Variants in GABRG3 observed in about 807,000 individuals in gnomAD.
GABRG3 encodes gamma-aminobutyric acid type A receptor subunit gamma3, also known as gamma-aminobutyric acid receptor subunit gamma-3.
Under a neutral mutation model 48.8 loss-of-function variants are expected in GABRG3, and 25 were observed. The ratio of observed to expected loss-of-function variants is 0.51; its 90% CI spans 0.37 to 0.72. The LOEUF (loss-of-function observed/expected upper bound fraction) is 0.72. GABRG3 is among the 30% of genes least tolerant of loss of function. GABRG3 has a pLI of 0.00. For synonymous variants in GABRG3, 227 were observed against 217.6 expected (o/e 1.04, Z -0.38); for missense variants, 394 against 577.9 (o/e 0.68, Z 3.26).
At chr15:27,081,248 T>C (rs72718117) in intron 3 of GABRG3, among the ~76,000 whole-genome samples, 21,968 of 152,154 alleles carry the variant, frequency 0.14, 1,958 homozygotes, top group Middle Eastern at 0.24. Context: ...GCCCAGAGGC[T>C]ACAAGGATGC....
At chr15:26,983,086 T>C (rs1322359925) in intron 2 of GABRG3, among the ~76,000 whole-genome samples, 1 of 151,876 alleles carries the variant, frequency 6.6e-6, no homozygotes, top group Non-Finnish European at 1.5e-5. Context: ...CTTTCATGGC[T>C]CAGAAGGGCT....
chr15:27,499,252 T>G (rs1890561451), intron 6 of GABRG3, among the ~76,000 whole-genome samples: 1 of 152,234 alleles, frequency 6.6e-6, no homozygotes, highest in Non-Finnish European at 1.5e-5. Flanking sequence ...TTCTTTGTTC[T>G]TATTCTAAGC....
chr15:27,245,062 C>T (rs750415971), intron 3 of GABRG3, among the ~76,000 whole-genome samples: 8 of 151,984 alleles, frequency 5.3e-5, no homozygotes, highest in Non-Finnish European at 1.2e-4. Flanking sequence ...GTGCTGGACC[C>T]TCCTCCTTAG....
intron 3 of GABRG3, among the ~76,000 whole-genome samples, chr15:27,155,506 A>G (rs779693564): frequency 1.5e-4 from 23 of 152,092 alleles, no homozygotes; most frequent in Admixed American, 7.2e-4. Flanking sequence ...AAAACTGAAC[A>G]TTTCAGATAT....
intron 2 of GABRG3, among the ~76,000 whole-genome samples, chr15:26,993,701 ATATC>A: frequency 6.6e-6 from 1 of 152,120 alleles, no homozygotes; most frequent in East Asian, 1.9e-4. Flanking sequence ...TGTTCTGTGA[ATATC>A]TATCAGGTCC....
intron 3 of GABRG3, among the ~76,000 whole-genome samples, chr15:27,109,253 T>C (rs575204040): frequency 7.9e-5 from 12 of 152,232 alleles, no homozygotes; most frequent in Admixed American, 7.9e-4. Context: ...TCCCATAGAG[T>C]CCTTCTCCCA....
intron 2 of GABRG3, among the ~76,000 whole-genome samples, chr15:26,980,505 G>A (rs1209336264): frequency 2.6e-5 from 4 of 151,898 alleles, no homozygotes; most frequent in South Asian, 2.1e-4. Context: ...GTGAAATCCC[G>A]TCTCTACTAA....
intron 6 of GABRG3, 105 bp downstream of exon 6, chr15:27,480,892 T>C (rs1890086850): frequency 6.8e-7 from 1 of 1,466,748 alleles, no homozygotes; most frequent in South Asian, 1.4e-5. Flanking sequence ...CCATGATACA[T>C]AAGTGATATT....
intron 5 of GABRG3, among the ~76,000 whole-genome samples, chr15:27,474,044 A>T (rs1889862156): frequency 6.6e-6 from 1 of 151,942 alleles, no homozygotes; most frequent in Non-Finnish European, 1.5e-5. Flanking sequence ...GCAGGCCTGA[A>T]CAGGTCCAGC....
At chr15:27,261,017 G>A (rs1274388568) in intron 3 of GABRG3, among the ~76,000 whole-genome samples, 1 of 151,898 alleles carries the variant, frequency 6.6e-6, no homozygotes, top group African/African-American at 2.4e-5. Flanking sequence ...CTGTTTTGTG[G>A]GTTTAAAAAA....
chr15:27,310,405 G>C (rs28844942), intron 3 of GABRG3, among the ~76,000 whole-genome samples: 1 of 151,906 alleles, frequency 6.6e-6, no homozygotes, highest in Non-Finnish European at 1.5e-5. Flanking sequence ...AAATGTCTAA[G>C]AAAAATCTAG....
At chr15:27,397,475 A>G (rs1160160776) in intron 5 of GABRG3, among the ~76,000 whole-genome samples, 2 of 152,196 alleles carry the variant, frequency 1.3e-5, no homozygotes, top group East Asian at 3.9e-4. Context: ...AATTAACTTT[A>G]CTTTAAACTC....
chr15:27,324,015 C>A (rs11629964), intron 3 of GABRG3, among the ~76,000 whole-genome samples: 20,155 of 152,082 alleles, frequency 0.13, 2,065 homozygotes, highest in African/African-American at 0.29. Context: ...CAGCCCCAAA[C>A]GGGGAACAAC....
chr15:27,251,420 C>G (rs1890452680), intron 3 of GABRG3, among the ~76,000 whole-genome samples: 1 of 152,134 alleles, frequency 6.6e-6, no homozygotes, highest in South Asian at 2.1e-4. Context: ...AAAGGGAGCC[C>G]AGGAAACTTG....
At position 27,180,955 on chromosome 15, in the gene GABRG3, G is replaced by A. The variant is rs974222668; in HGVS notation, c.271-145854G>A. Among the ~76,000 whole-genome samples the A allele has an allele frequency of 1.1e-4, 17 of 152,114 alleles. No homozygotes were observed. Among genetic ancestry groups the A allele is most frequent in the Non-Finnish European group, 1.9e-4 (13 of 68,020 alleles). On this transcript the variant is annotated intron_variant, in intron 3 of 9. Transcript: ENST00000615808. This position sits in a 1 kb window ranked among gnomAD's most constrained non-coding sequence, Gnocchi z 4.2. ...AAACCCCTCTCGCTTTGGGTGTTAC[G>A]TTCAGCTGCTGAATTGTGCTGACTT...
intron 3 of GABRG3, among the ~76,000 whole-genome samples, chr15:27,142,960 G>A (rs1284144575): frequency 6.6e-6 from 1 of 152,152 alleles, no homozygotes; most frequent in Admixed American, 6.5e-5. Flanking sequence ...TTGCCATGTT[G>A]CCAAGGCTGG....
intron 5 of GABRG3, among the ~76,000 whole-genome samples, chr15:27,466,814 C>G: frequency 6.6e-6 from 1 of 152,214 alleles, no homozygotes. Context: ...GCCTCCCCAC[C>G]ACCCTCTTTA....
At chr15:27,415,722 C>T (rs906137079) in intron 5 of GABRG3, among the ~76,000 whole-genome samples, 2 of 152,206 alleles carry the variant, frequency 1.3e-5, no homozygotes, top group Admixed American at 6.5e-5. Flanking sequence ...GAGTCTCATT[C>T]TGACTCTTGC....
chr15:27,063,897 C>A (rs1237320267), intron 3 of GABRG3, among the ~76,000 whole-genome samples: 1 of 152,188 alleles, frequency 6.6e-6, no homozygotes, highest in East Asian at 1.9e-4. Flanking sequence ...CTTCCCCACA[C>A]CCCTTCTCCT....
Sources: allele counts gnomAD v4.1 joint callset (sites outside exome capture counted in the v4.1 genomes callset), GRCh38; gene constraint gnomAD v4.1.1; non-coding constraint Gnocchi (gnomAD v3.1); transcripts MANE v1.5; gene names NCBI Gene and HGNC (gene_info 2026-07-23, HGNC 2026-07-21).